The following IL1RN variants were observed in gnomAD, a reference collection of about 807,000 sequenced individuals.
The protein encoded by IL1RN is interleukin-1 receptor antagonist protein.
A neutral mutation model predicts 13.7 loss-of-function variants in IL1RN; 10 were observed. The ratio of observed to expected loss-of-function variants is 0.73; its 90% CI spans 0.45 to 1.24. IL1RN has a LOEUF of 1.24. IL1RN is among the 50% of genes most tolerant of loss of function. The pLI, the probability that IL1RN is intolerant of heterozygous loss-of-function variation, is 0.00. For synonymous variants in IL1RN, 102 were observed against 82.7 expected (o/e 1.23, Z -1.27); for missense variants, 213 against 222.1 (o/e 0.96, Z 0.26).
intron 2 of IL1RN, among the ~76,000 whole-genome samples, chr2:113,121,008 C>CTT (rs1403189629): frequency 2.9e-4 from 42 of 146,698 alleles, no homozygotes; most frequent in African/African-American, 1.1e-3. Context: ...TCTTCTTCTT[C>CTT]CTCCTCCTTC....
At chr2:113,115,128 A>G (rs1686568424), upstream of IL1RN, among the ~76,000 whole-genome samples, 1 of 152,170 alleles carries the variant, frequency 6.6e-6, no homozygotes, top group Admixed American at 6.5e-5. Flanking sequence ...CAACTCAAGG[A>G]TTTACAGTCA....
At chr2:113,116,887 G>A (rs569598663), upstream of IL1RN, among the ~76,000 whole-genome samples, 26 of 152,310 alleles carry the variant, frequency 1.7e-4, no homozygotes, top group African/African-American at 5.8e-4. Context: ...AGGGCAGATA[G>A]CATCAGGTCC....
At chr2:113,102,228 A>C, upstream of IL1RN, among the ~76,000 whole-genome samples, 1 of 152,280 alleles carries the variant, frequency 6.6e-6, no homozygotes, top group East Asian at 1.9e-4. Context: ...GCAGACAGCT[A>C]CCTTCTCACT....
chr2:113,117,953 C>G, exon 1 of IL1RN: 1 of 974,346 alleles, frequency 1.0e-6, no homozygotes, highest in Non-Finnish European at 1.7e-6. Flanking sequence ...ACTTTATGGG[C>G]AGCAGCTCAG....
In IL1RN at chr2:113,129,664, G is replaced by A. The variant is rs769552278; in HGVS notation, c.205G>A (p.Glu69Lys). The change falls in exon 2 of 4, where the codon GAA becomes AAA. Residue 69 changes from glutamate to lysine, a missense_variant and splice_region_variant. By Grantham distance (56) the Glu-to-Lys change is moderately conservative. Coordinates refer to ENST00000409930, the MANE Select transcript of IL1RN (RefSeq NM_173842.3). The part of the protein sequence containing the change: ...YLQGPNVNLE[E>K]KIDVVPIEPH... ...GCAAGGACCAAATGTCAATTTAGAA[G>A]GTGAGTGGTTGCCAGGAAAGCCAAT... The A allele has an allele frequency of 6.2e-7, 1 of 1,606,060 alleles. No individual in the cohort carries two copies. Among genetic ancestry groups the A allele is most frequent in the Non-Finnish European group, 8.5e-7 (1 of 1,172,452 alleles).
At chr2:113,114,876 G>A (rs777307710), upstream of IL1RN, among the ~76,000 whole-genome samples, 12 of 152,108 alleles carry the variant, frequency 7.9e-5, no homozygotes, top group Non-Finnish European at 1.6e-4. Flanking sequence ...TAAGGGTGAG[G>A]ATAAGTAACT....
chr2:113,111,532 C>G (rs906886726), intron 1 of IL1RN, among the ~76,000 whole-genome samples: 2 of 152,228 alleles, frequency 1.3e-5, no homozygotes, highest in African/African-American at 4.8e-5. Flanking sequence ...CCACGACTAT[C>G]CATGAGAATG....
the IL1RN span, among the ~76,000 whole-genome samples, chr2:113,101,252 G>A: frequency 1.3e-5 from 2 of 152,144 alleles, no homozygotes; most frequent in Admixed American, 1.3e-4. Context: ...TAGACGCAGT[G>A]GGGGTGAGGA....
intron 1 of IL1RN, among the ~76,000 whole-genome samples, chr2:113,119,109 G>T (rs764042407): frequency 1.3e-5 from 2 of 152,144 alleles, no homozygotes; most frequent in African/African-American, 2.4e-5. Flanking sequence ...TCTCCTTTCT[G>T]GGTCTTACTT....
upstream of IL1RN, among the ~76,000 whole-genome samples, chr2:113,124,787 C>T (rs1339821083): frequency 6.6e-6 from 1 of 152,050 alleles, no homozygotes; most frequent in Non-Finnish European, 1.5e-5. Flanking sequence ...GGGATTCAGA[C>T]CTAGACTCCA....
chr2:113,108,738 G>A (rs887768341), upstream of IL1RN, among the ~76,000 whole-genome samples: 5 of 152,140 alleles, frequency 3.3e-5, no homozygotes, highest in African/African-American at 9.7e-5. Flanking sequence ...AAAAAATGGT[G>A]AGGAAGAAAA....
At chr2:113,109,413 A>G (rs1417345629), upstream of IL1RN, among the ~76,000 whole-genome samples, 2 of 31,116 alleles carry the variant, frequency 6.4e-5, no homozygotes, top group Non-Finnish European at 1.2e-4. Flanking sequence ...ACGCCATCTA[A>G]AAAAAAAAAA....
At chr2:113,123,481 T>C (rs2104444338), upstream of IL1RN, among the ~76,000 whole-genome samples, 1 of 152,302 alleles carries the variant, frequency 6.6e-6, no homozygotes, top group African/African-American at 2.4e-5. Flanking sequence ...GGGTCAGCCT[T>C]CACAGGTACT....
the IL1RN span, among the ~76,000 whole-genome samples, chr2:113,102,096 T>C: frequency 6.6e-6 from 1 of 152,138 alleles, no homozygotes; most frequent in African/African-American, 2.4e-5. Flanking sequence ...GAGATTGTCT[T>C]AGTCACCTCA....
At position 113,132,745 on chromosome 2, in the gene IL1RN, T is replaced by C; in HGVS notation, c.408T>C (p.Phe136=). 1.2e-6 allele frequency: 2 copies of C among 1,614,260 alleles called. No homozygotes were observed. The highest frequency in any genetic ancestry group is 1.3e-5 in the African/African-American group (1 of 75,070). ...IRSDSGPTTS[F]ESAACPGWFL... ...CAGACAGTGGCCCCACCACCAGTTTTGAGTCTGCCGCCTGCCCCGGTTGGT... is the reference window on the plus strand; with the variant it reads ...CAGACAGTGGCCCCACCACCAGTTTCGAGTCTGCCGCCTGCCCCGGTTGGT... Residue 136 remains phenylalanine (F), a synonymous_variant, in exon 4 of 4, where the codon TTT becomes TTC. Transcript: ENST00000409930.
In IL1RN at chr2:113,131,129, C is replaced by G; in HGVS notation, c.290C>G (p.Ser97Cys). 6.2e-7 allele frequency: 1 copy of G among 1,612,378 alleles called. No individual in the cohort carries two copies. Among genetic ancestry groups the G allele is most frequent in the Non-Finnish European group, 8.5e-7 (1 of 1,178,334 alleles). ...GGKMCLSCVK[S>C]GDETRLQLEA... ...AAGATGTGCCTGTCCTGTGTCAAGT[C>G]TGGTGATGAGACCAGACTCCAGCTG... is the stretch of plus-strand genomic sequence containing the variant. The change falls in exon 3 of 4, where the codon TCT (serine) becomes TGT (cysteine). Residue 97 changes from serine (S) to cysteine (C), a missense_variant. Transcript: ENST00000409930.
At chr2:113,121,151 T>G (rs561539991) in intron 2 of IL1RN, among the ~76,000 whole-genome samples, 11 of 152,166 alleles carry the variant, frequency 7.2e-5, no homozygotes, top group African/African-American at 2.6e-4. Context: ...GTCTTCGTCT[T>G]CGTCTTCTTT....
upstream of IL1RN, among the ~76,000 whole-genome samples, chr2:113,104,821 A>T (rs1434682932): frequency 1.3e-5 from 2 of 152,190 alleles, no homozygotes; most frequent in African/African-American, 4.8e-5. Flanking sequence ...AGGCCCAGTA[A>T]CTTGGGCAAG....
chr2:113,106,680 C>T (rs1686392066), upstream of IL1RN, among the ~76,000 whole-genome samples: 2 of 152,244 alleles, frequency 1.3e-5, 1 homozygote, highest in Admixed American at 1.3e-4. Context: ...GGGAATCTGA[C>T]CTCACTGCTC....
Sources: allele counts gnomAD v4.1 joint callset (sites outside exome capture counted in the v4.1 genomes callset), GRCh38; gene constraint gnomAD v4.1.1; transcripts MANE v1.5; gene names NCBI Gene and HGNC (gene_info 2026-07-23, HGNC 2026-07-21).